Variants in EYS observed in about 807,000 individuals in gnomAD.
EYS encodes EGF-like photoreceptor maintenance factor.
In EYS, 250 loss-of-function variants were observed where a neutral mutation model predicts 282.1. That is an observed-to-expected ratio of 0.89 (90% CI 0.80 to 0.98). The LOEUF is 0.98. Among genes scored for constraint, EYS ranks in the 50% least tolerant of loss-of-function variants. EYS has a pLI of 0.00. For synonymous variants in EYS, 1,355 were observed against 1,282.9 expected (o/e 1.06, Z -1.20); for missense variants, 4,016 against 3,709.0 (o/e 1.08, Z -2.15).
intron 1 of EYS, among the ~76,000 whole-genome samples, chr6:65,686,669 C>A (rs1472927147): frequency 1.3e-5 from 2 of 152,052 alleles, no homozygotes; most frequent in South Asian, 2.1e-4. Flanking sequence ...TTAAGGAATT[C>A]TTATTTATCC....
In EYS at chr6:65,443,086, T is replaced by A. The variant is rs2150394556; in HGVS notation, c.863-37719A>T. On this transcript the variant is annotated intron_variant, in intron 5 of 42. Coordinates refer to ENST00000503581, the MANE Select transcript of EYS (RefSeq NM_001142800.2). ...TATGTGATATGTATGTGTCTATACA[T>A]ACATGCATATGCATATACATATATG... Among the ~76,000 whole-genome samples, 2 of 151,918 alleles carry A rather than the reference T, an allele frequency of 1.3e-5. 1 individual carries two copies. Among genetic ancestry groups the A allele is most frequent in the East Asian group, 3.9e-4 (2 of 5,144 alleles).
intron 36 of EYS, among the ~76,000 whole-genome samples, chr6:63,846,520 G>C (rs1207472912): frequency 2.0e-5 from 3 of 152,194 alleles, no homozygotes; most frequent in African/African-American, 7.2e-5. Flanking sequence ...GAATGGCAAA[G>C]AGAATTACAA....
At chr6:65,330,293 T>C (rs1179778949) in intron 11 of EYS, 2 of 959,758 alleles carry the variant, frequency 2.1e-6, no homozygotes, top group African/African-American at 1.8e-5. Context: ...ATGAATATAT[T>C]TCATTCTGTT....
At chr6:64,120,027 G>T (rs1039390437) in intron 31 of EYS, among the ~76,000 whole-genome samples, 1 of 151,048 alleles carries the variant, frequency 6.6e-6, no homozygotes, top group African/African-American at 2.4e-5. Flanking sequence ...CCATATTATT[G>T]TGTTTTTTTA....
chr6:65,265,123 A>G (rs1413966372), intron 12 of EYS, among the ~76,000 whole-genome samples: 1 of 151,984 alleles, frequency 6.6e-6, no homozygotes. Context: ...GCAAGGGTTG[A>G]AAAACTAATT....
chr6:64,796,340 A>G (rs1315898106), intron 22 of EYS, among the ~76,000 whole-genome samples: 2 of 152,160 alleles, frequency 1.3e-5, no homozygotes, highest in African/African-American at 2.4e-5. Context: ...AGTAGCAAGG[A>G]GAGAAACAGC....
intron 31 of EYS, among the ~76,000 whole-genome samples, chr6:64,183,296 A>C: frequency 6.6e-6 from 1 of 152,146 alleles, no homozygotes; most frequent in East Asian, 1.9e-4. Flanking sequence ...TATTAGCAGC[A>C]TGAGAATGGA....
intron 2 of EYS, among the ~76,000 whole-genome samples, chr6:65,503,132 C>A (rs372623789): frequency 2.0e-5 from 3 of 151,648 alleles, no homozygotes; most frequent in African/African-American, 7.2e-5. Context: ...TCTTTGCCAG[C>A]AGTAGCAGTG....
chr6:65,538,883 C>T (rs527638864), intron 2 of EYS, among the ~76,000 whole-genome samples: 1 of 152,232 alleles, frequency 6.6e-6, no homozygotes, highest in African/African-American at 2.4e-5. Flanking sequence ...TGTTGCTACA[C>T]CTTGAGTATT....
intron 35 of EYS, among the ~76,000 whole-genome samples, chr6:63,975,320 C>A (rs1235798927): frequency 2.0e-5 from 3 of 151,816 alleles, no homozygotes; most frequent in African/African-American, 7.3e-5. Flanking sequence ...CTGCTTAACA[C>A]AAAAGAGGCT....
At chr6:65,189,017 A>T (rs536859257) in intron 12 of EYS, among the ~76,000 whole-genome samples, 3 of 151,812 alleles carry the variant, frequency 2.0e-5, no homozygotes, top group African/African-American at 7.2e-5. Flanking sequence ...TATAAAATTA[A>T]TATAGCTTCT....
intron 22 of EYS, chr6:64,631,770 G>A (rs1007956588): frequency 2.6e-5 from 4 of 151,920 alleles, no homozygotes; most frequent in East Asian, 1.9e-4. Context: ...TCATACAACC[G>A]AAGTAAGAAA....
At chr6:63,752,854 G>C (rs144183258) in intron 41 of EYS, among the ~76,000 whole-genome samples, 1 of 152,028 alleles carries the variant, frequency 6.6e-6, no homozygotes, top group East Asian at 1.9e-4. Context: ...TTCAGTACCA[G>C]GACGTAGTGC....
At position 64,926,233 on chromosome 6, in the gene EYS, C is replaced by T. The variant is rs548055852; in HGVS notation, c.2382-13490G>A. On this transcript the variant is annotated intron_variant, in intron 15 of 42. Coordinates refer to ENST00000503581, the MANE Select transcript of EYS (RefSeq NM_001142800.2). ...ACTGTGCCTGTGGCTGGAGCACATA[C>T]CACATTTGCCTCTCAATTCTAGCCC... Among the ~76,000 whole-genome samples, 11 of 152,306 alleles carry T rather than the reference C, an allele frequency of 7.2e-5. No individual in the cohort carries two copies. The South Asian group carries it at 2.1e-3, about 29-fold the overall frequency.
chr6:64,720,767 A>G (rs1302664330), intron 22 of EYS, among the ~76,000 whole-genome samples: 1 of 152,182 alleles, frequency 6.6e-6, no homozygotes, highest in African/African-American at 2.4e-5. Context: ...ACACACACAC[A>G]TACCAGTCTA....
At chr6:63,892,457 C>T (rs1773433976) in intron 35 of EYS, among the ~76,000 whole-genome samples, 1 of 152,146 alleles carries the variant, frequency 6.6e-6, no homozygotes, top group Admixed American at 6.5e-5. Context: ...TTTGACAAAC[C>T]TGCCAAAAAC....
chr6:65,517,370 A>T (rs1284554980), intron 2 of EYS, among the ~76,000 whole-genome samples: 1 of 151,590 alleles, frequency 6.6e-6, no homozygotes, highest in Admixed American at 6.6e-5. Context: ...CAAACCTTAA[A>T]CCAGTTTCTT....
At chr6:65,474,480 C>T (rs1765329628) in intron 5 of EYS, among the ~76,000 whole-genome samples, 1 of 152,034 alleles carries the variant, frequency 6.6e-6, no homozygotes, top group Non-Finnish European at 1.5e-5. Flanking sequence ...TGTATGATTT[C>T]TGAAGATGTC....
At chr6:64,303,880 G>C (rs973042691) in intron 30 of EYS, among the ~76,000 whole-genome samples, 5 of 149,132 alleles carry the variant, frequency 3.4e-5, no homozygotes, top group African/African-American at 4.9e-5. Flanking sequence ...GTAGGGTTAC[G>C]GCTGAAGTCA....
Sources: gnomAD v4.1 joint callset for allele counts (sites outside exome capture counted in the v4.1 genomes callset) on GRCh38, gnomAD v4.1.1 for gene constraint, MANE v1.5 for transcripts, NCBI Gene and HGNC (gene_info 2026-07-23, HGNC 2026-07-21) for gene names.